LYZL4: variants seen among roughly 807,000 people sequenced by gnomAD.
The protein encoded by LYZL4 is lysozyme-like protein 4.
In LYZL4, 13 loss-of-function variants were observed where a neutral mutation model predicts 17.6. The ratio of observed to expected loss-of-function variants is 0.74; its 90% confidence interval spans 0.48 to 1.18. The LOEUF is 1.18. Ranked by LOEUF, LYZL4 falls within the 50% of genes most tolerant of loss-of-function variation. The pLI is 0.00. For synonymous variants in LYZL4, 64 were observed against 67.7 expected, an observed-to-expected ratio of 0.95 and a Z score of 0.27; for missense variants, 174 against 188.2, an observed-to-expected ratio of 0.92 and a Z score of 0.44.
rs1391379206 is a variant in LYZL4 at position 42,397,131 on chromosome 3, C to A, written c.*134G>T. 2 of 658,572 alleles carry A rather than the reference C, an allele frequency of 3.0e-6. No homozygotes were observed. The highest frequency in any genetic ancestry group is 1.8e-5 in the African/African-American group (1 of 55,354). 40.8% of individuals were successfully genotyped at this position (658,572 alleles called of 1,614,324 possible). A position where few individuals can be genotyped will look rare whatever the true frequency, so the allele number is the denominator to read the frequency against. ...CTGCATCCTGCATCCCCGGATGAAG[C>A]AAACTTTTGTCTTTTTCCATCTGGA... On this transcript the variant is annotated 3_prime_UTR_variant, in exon 5 of 5. Coordinates refer to ENST00000287748, the MANE Select transcript of LYZL4 (RefSeq NM_144634.4).
chr3:42,362,099 T>C, the LYZL4 span, among the ~76,000 whole-genome samples: 44 of 152,270 alleles, frequency 2.9e-4, no homozygotes, highest in Admixed American at 1.3e-4. Flanking sequence ...TACAATTTAT[T>C]ATAAAACACT....
chr3:42,373,317 A>C, the LYZL4 span, among the ~76,000 whole-genome samples: 1 of 152,142 alleles, frequency 6.6e-6, no homozygotes, highest in Non-Finnish European at 1.5e-5. Context: ...AGGGTCCTGG[A>C]CATTTGTCAT....
At chr3:42,405,688 G>T (rs897401586) in intron 3 of LYZL4, among the ~76,000 whole-genome samples, 1 of 152,122 alleles carries the variant, frequency 6.6e-6, no homozygotes, top group African/African-American at 2.4e-5. Flanking sequence ...CGCCTCAGAT[G>T]TGAGGGAGAC....
At chr3:42,393,960 T>G (rs1393754046), downstream of LYZL4, among the ~76,000 whole-genome samples, 1 of 152,008 alleles carries the variant, frequency 6.6e-6, no homozygotes, top group African/African-American at 2.4e-5. Context: ...CCCAGCTAAT[T>G]TTTTGTATTT....
chr3:42,383,758 G>T, the LYZL4 span, among the ~76,000 whole-genome samples: 1 of 151,778 alleles, frequency 6.6e-6, no homozygotes, highest in Non-Finnish European at 1.5e-5. Flanking sequence ...TAAAAAACAT[G>T]AAAATAGAAA....
Position 42,404,853 on chromosome 3 carries a change from T to C in LYZL4, c.293-729A>G, listed in dbSNP as rs147787014. On this transcript the variant is annotated intron_variant, in intron 3 of 4. Transcript: ENST00000287748. ...ATCATTTCAATTTAAATTAAATCAA[T>C]TTAATTAATTTAAAAATGTTATTAA... 3.5e-3 allele frequency among the ~76,000 whole-genome samples: 530 copies of C among 152,352 alleles called. 6 individuals are homozygous for C. Among genetic ancestry groups the C allele is most frequent in the African/African-American group, 0.012 (497 of 41,584 alleles).
At chr3:42,385,606 G>A in the LYZL4 span, among the ~76,000 whole-genome samples, 1 of 152,180 alleles carries the variant, frequency 6.6e-6, no homozygotes, top group African/African-American at 2.4e-5. Context: ...AGGAAGAGAT[G>A]ATGCCATTCA....
rs768389098 is a variant in LYZL4 at position 42,407,193 on chromosome 3, T to C, written c.59A>G (p.Tyr20Cys). Residue 20 changes from tyrosine (Y) to cysteine (C), a missense_variant, in exon 2 of 5, where the codon TAC (tyrosine) becomes TGC (cysteine). Coordinates refer to ENST00000287748, the MANE Select transcript of LYZL4 (RefSeq NM_144634.4). ...LGYLVVPSGA[Y>C]ILGRCTVAKK... ...AGCCACTGTGCAACGCCCCAAGATG[T>C]AAGCACCACTTGGAACCACCAGGTA... The C allele has an allele frequency of 6.2e-7, 1 of 1,614,108 alleles. No individual in the cohort carries two copies. The highest frequency in any genetic ancestry group is 2.2e-5 in the East Asian group (1 of 44,882).
At chr3:42,405,744 C>T (rs549134963) in intron 3 of LYZL4, among the ~76,000 whole-genome samples, 72 of 152,226 alleles carry the variant, frequency 4.7e-4, no homozygotes, top group African/African-American at 1.6e-3. Context: ...ACTCAGGAGC[C>T]GCACTGCTTA....
chr3:42,368,048 A>T, the LYZL4 span, among the ~76,000 whole-genome samples: 1 of 152,194 alleles, frequency 6.6e-6, no homozygotes, highest in East Asian at 1.9e-4. Flanking sequence ...CATGGGAAAG[A>T]TAAGCAATTT....
chr3:42,386,093 T>C, the LYZL4 span, among the ~76,000 whole-genome samples: 2 of 152,008 alleles, frequency 1.3e-5, no homozygotes, highest in Admixed American at 1.3e-4. Context: ...CCTTCACTCC[T>C]GCATCCTTTT....
At chr3:42,365,685 C>T in the LYZL4 span, among the ~76,000 whole-genome samples, 1 of 152,096 alleles carries the variant, frequency 6.6e-6, no homozygotes, top group Non-Finnish European at 1.5e-5. Context: ...CACAAGGCCA[C>T]GACACGGTGT....
chr3:42,410,216 C>T (rs755768539), intron 1 of LYZL4, among the ~76,000 whole-genome samples: 1 of 152,192 alleles, frequency 6.6e-6, no homozygotes, highest in African/African-American at 2.4e-5. Context: ...TTTTTCTCTT[C>T]ATTATCCCCA....
chr3:42,382,035 A>G, the LYZL4 span, among the ~76,000 whole-genome samples: 3 of 152,394 alleles, frequency 2.0e-5, no homozygotes, highest in East Asian at 5.8e-4. Context: ...GGCAAAACAG[A>G]GCAGGCCAAT....
intron 4 of LYZL4, among the ~76,000 whole-genome samples, chr3:42,403,336 T>C (rs185305363): frequency 1.3e-5 from 2 of 152,224 alleles, no homozygotes; most frequent in East Asian, 1.9e-4. Context: ...CTTAGCTCAC[T>C]ACAACCTCTG....
At chr3:42,406,191 C>G (rs1054752756) in intron 3 of LYZL4, among the ~76,000 whole-genome samples, 1 of 152,138 alleles carries the variant, frequency 6.6e-6, no homozygotes. Flanking sequence ...CGGTGGCTCA[C>G]GCCTGTAACC....
At chr3:42,410,190 A>G (rs1199628778) in intron 1 of LYZL4, among the ~76,000 whole-genome samples, 1 of 152,206 alleles carries the variant, frequency 6.6e-6, no homozygotes, top group African/African-American at 2.4e-5. Flanking sequence ...CCAGGAATGC[A>G]GAAACCTGGT....
chr3:42,377,623 CTCTGTGTGTGTG>C, the LYZL4 span, among the ~76,000 whole-genome samples: 3 of 92,630 alleles, frequency 3.2e-5, no homozygotes, highest in East Asian at 3.8e-4. Context: ...ATGCATGACT[CTCTGTGTGTGTG>C]TGTGTGTGTG....
At chr3:42,382,604 T>G in the LYZL4 span, among the ~76,000 whole-genome samples, 2 of 151,950 alleles carry the variant, frequency 1.3e-5, no homozygotes, top group Non-Finnish European at 2.9e-5. Flanking sequence ...CTGATTGCCC[T>G]GTTTATATAG....
Sources: allele counts gnomAD v4.1 joint callset (sites outside exome capture counted in the v4.1 genomes callset), GRCh38; gene constraint gnomAD v4.1.1; transcripts MANE v1.5; gene names NCBI Gene and HGNC (gene_info 2026-07-23, HGNC 2026-07-21).